Variants in TIAM1 observed in about 807,000 individuals in gnomAD.
The protein encoded by TIAM1 is TIAM Rac1 associated GEF 1, also known as rho guanine nucleotide exchange factor TIAM1.
In TIAM1, 65 loss-of-function variants were observed where a neutral mutation model predicts 163.5. That is an observed-to-expected ratio of 0.40 (90% confidence interval 0.33 to 0.49). TIAM1 has a LOEUF of 0.49. Ranked by LOEUF, TIAM1 falls within the 20% of genes least tolerant of loss-of-function variation. TIAM1 has a pLI of 0.77. For synonymous variants in TIAM1, 833 were observed against 810.1 expected (o/e 1.03, Z -0.48); for missense variants, 1,789 against 2,044.7 (o/e 0.87, Z 2.41).
chr21:31,245,451 G>A (rs1474500225), intron 6 of TIAM1, 37 bp downstream of exon 6: 3 of 1,359,884 alleles, frequency 2.2e-6, no homozygotes, highest in Non-Finnish European at 2.9e-6. Flanking sequence ...CCAGTTCAGA[G>A]GTTTGAAATG....
intron 1 of TIAM1, among the ~76,000 whole-genome samples, chr21:31,498,878 G>A (rs1042379541): frequency 4.6e-5 from 7 of 151,722 alleles, no homozygotes; most frequent in East Asian, 2.0e-4. Flanking sequence ...CCCGGGAGGC[G>A]GGGGTTGCAG....
chr21:31,139,894 A>G (rs2082769223), intron 22 of TIAM1, among the ~76,000 whole-genome samples: 1 of 152,264 alleles, frequency 6.6e-6, no homozygotes, highest in East Asian at 1.9e-4. Context: ...AGATGTGTAA[A>G]TTCTGTCCAG....
chr21:31,185,408 T>C (rs550340796), intron 14 of TIAM1, among the ~76,000 whole-genome samples: 106 of 137,252 alleles, frequency 7.7e-4, no homozygotes, highest in Admixed American at 1.7e-3. Flanking sequence ...TGCTATATAA[T>C]TATATATAAT....
chr21:31,452,356 T>C (rs1602314039), intron 2 of TIAM1: 1 of 221,342 alleles, frequency 4.5e-6, no homozygotes, highest in East Asian at 1.3e-4. Context: ...TGAGAATCAC[T>C]TGAGCCCGGG....
intron 23 of TIAM1, among the ~76,000 whole-genome samples, chr21:31,132,600 A>G (rs760611853): frequency 3.9e-4 from 59 of 152,328 alleles, no homozygotes; most frequent in Non-Finnish European, 6.3e-4. Context: ...CACTGGGACC[A>G]CAGCTCAATG....
chr21:31,388,747 C>G (rs1353838906), intron 2 of TIAM1, among the ~76,000 whole-genome samples: 1 of 152,004 alleles, frequency 6.6e-6, no homozygotes, highest in Non-Finnish European at 1.5e-5. Flanking sequence ...GCCTCAATTT[C>G]TTCATCTGTA....
At chr21:31,496,459 CAAAAAAAAAAAAAAAA>C (rs58140674) in intron 1 of TIAM1, among the ~76,000 whole-genome samples, 1 of 87,890 alleles carries the variant, frequency 1.1e-5, no homozygotes, top group Non-Finnish European at 2.2e-5. Context: ...AACTCTGTCT[CAAAAAAAAAAAAAAAA>C]AAAAAAAATG....
intron 2 of TIAM1, among the ~76,000 whole-genome samples, chr21:31,422,601 C>T (rs1345220093): frequency 1.3e-5 from 2 of 152,170 alleles, no homozygotes; most frequent in Non-Finnish European, 2.9e-5. Context: ...TCATCAAACT[C>T]CCTATCCAGC....
At chr21:31,243,025 A>G (rs1229392309) in intron 6 of TIAM1, among the ~76,000 whole-genome samples, 2 of 150,292 alleles carry the variant, frequency 1.3e-5, no homozygotes, top group Non-Finnish European at 3.0e-5. Flanking sequence ...CACCTCTACT[A>G]GAAAAAAAAA....
upstream of TIAM1, among the ~76,000 whole-genome samples, chr21:31,345,196 G>A (rs895440915): frequency 4.6e-5 from 7 of 152,146 alleles, no homozygotes; most frequent in Non-Finnish European, 1.0e-4. Flanking sequence ...ATTCATGGAT[G>A]AAATTGATAG....
intron 3 of TIAM1, among the ~76,000 whole-genome samples, 179 bp downstream of exon 3, chr21:31,276,553 C>A (rs567229002): frequency 2.0e-5 from 3 of 152,124 alleles, no homozygotes; most frequent in Non-Finnish European, 4.4e-5. Flanking sequence ...TTTGTTTTAA[C>A]GCTAATGCTT....
At chr21:31,310,184 G>A (rs1468950156) in intron 2 of TIAM1, among the ~76,000 whole-genome samples, 1 of 152,206 alleles carries the variant, frequency 6.6e-6, no homozygotes, top group Non-Finnish European at 1.5e-5. Context: ...TGGGTGCAAG[G>A]AATGATGGCC....
rs148490390 is a variant in TIAM1 at position 31,355,058 on chromosome 21, G to A, written c.-368-15636C>T. Among the ~76,000 whole-genome samples, 474 of 151,810 alleles carry A rather than the reference G, an allele frequency of 3.1e-3. 4 individuals carry two copies. The highest frequency in any genetic ancestry group is 0.011 in the African/African-American group (455 of 41,370). On this transcript the variant is annotated intron_variant, in intron 2 of 28. Coordinates refer to the TIAM1 transcript ENST00000286827. ...CAGATGAACTCAGCCCATTAAAGAA[G>A]AGCTGTAATCCCTTACACATATAAC...
intron 2 of TIAM1, among the ~76,000 whole-genome samples, chr21:31,279,171 G>A (rs2073434802): frequency 6.6e-6 from 1 of 151,980 alleles, no homozygotes; most frequent in Non-Finnish European, 1.5e-5. Context: ...GAGAGAAAGG[G>A]CATTATTTGA....
chr21:31,450,624 C>A (rs908669627), intron 2 of TIAM1, among the ~76,000 whole-genome samples: 1 of 152,118 alleles, frequency 6.6e-6, no homozygotes, highest in South Asian at 2.1e-4. Context: ...TTTCATGCTG[C>A]TGATAAAGAC....
intron 22 of TIAM1, among the ~76,000 whole-genome samples, chr21:31,140,101 T>A (rs923611351): frequency 6.6e-6 from 1 of 152,210 alleles, no homozygotes; most frequent in Admixed American, 6.5e-5. Context: ...TTTTACCTCT[T>A]TCAGAAAATT....
intron 1 of TIAM1, among the ~76,000 whole-genome samples, chr21:31,340,814 A>C (rs1385762058): frequency 6.6e-6 from 1 of 152,198 alleles, no homozygotes; most frequent in African/African-American, 2.4e-5. Flanking sequence ...GGAAAGAAAA[A>C]AACAACAGAG....
At chr21:31,555,300 A>G (rs984388700) in intron 1 of TIAM1, among the ~76,000 whole-genome samples, 2 of 151,952 alleles carry the variant, frequency 1.3e-5, no homozygotes, top group African/African-American at 4.8e-5. Flanking sequence ...GAGCCCTGCT[A>G]ATCTGATTTT....
chr21:31,314,684 G>C (rs1419588251), intron 2 of TIAM1, among the ~76,000 whole-genome samples: 1 of 152,106 alleles, frequency 6.6e-6, no homozygotes, highest in Non-Finnish European at 1.5e-5. Context: ...TCAACCCTCA[G>C]TTGAAAAGCG....
Sources: gnomAD v4.1 joint callset for allele counts (sites outside exome capture counted in the v4.1 genomes callset) on GRCh38, gnomAD v4.1.1 for gene constraint, MANE v1.5 for transcripts, NCBI Gene and HGNC (gene_info 2026-07-23, HGNC 2026-07-21) for gene names.